LRRC4C: variants seen among roughly 807,000 people sequenced by gnomAD.
LRRC4C encodes the protein leucine rich repeat containing 4C.
LRRC4C carries 5 observed loss-of-function variants against 33.6 expected under a neutral mutation model. The observed-to-expected ratio is 0.15, with a 90% CI of 0.08 to 0.31. The LOEUF (loss-of-function observed/expected upper bound fraction) is 0.31, where lower values mean the gene tolerates loss of function less well. LRRC4C is among the 10% of genes least tolerant of loss of function. The probability of loss-of-function intolerance (pLI) is 1.00; values close to 1 mark genes in which losing one functional copy is unlikely to be tolerated. For missense variants in LRRC4C, 560 were observed against 796.7 expected (o/e 0.70, Z 3.58); for synonymous variants, 329 against 302.0 (o/e 1.09, Z -0.93).
chr11:40,451,772 A>G (rs1231088314), intron 3 of LRRC4C, among the ~76,000 whole-genome samples: 1 of 152,120 alleles, frequency 6.6e-6, no homozygotes. Context: ...TAGAAACACA[A>G]ACTACTAAAC....
At chr11:41,015,340 T>A (rs1855502660) in intron 1 of LRRC4C, among the ~76,000 whole-genome samples, 1 of 152,162 alleles carries the variant, frequency 6.6e-6, no homozygotes, top group African/African-American at 2.4e-5. Context: ...TAATGTTTAA[T>A]TTTTTTGAGA....
intron 4 of LRRC4C, among the ~76,000 whole-genome samples, chr11:40,308,952 A>G (rs1945170999): frequency 6.6e-6 from 1 of 152,206 alleles, no homozygotes; most frequent in Admixed American, 6.5e-5. Context: ...TTCTACCAAC[A>G]TTCTGTTCAT....
intron 4 of LRRC4C, among the ~76,000 whole-genome samples, chr11:40,272,277 G>A (rs1332746308): frequency 2.0e-5 from 3 of 152,076 alleles, no homozygotes; most frequent in African/African-American, 7.2e-5. Context: ...CGCTAACTGT[G>A]GAATACTATG....
intron 2 of LRRC4C, among the ~76,000 whole-genome samples, chr11:40,858,770 A>T (rs1953932973): frequency 6.7e-6 from 1 of 150,056 alleles, no homozygotes; most frequent in Non-Finnish European, 1.5e-5. Context: ...TATATTCTGT[A>T]TTCAGGGATG....
chr11:40,956,985 GAAAGCAATGTTTAGT>G (rs1481437824), intron 1 of LRRC4C, among the ~76,000 whole-genome samples: 2 of 151,746 alleles, frequency 1.3e-5, no homozygotes, highest in Non-Finnish European at 2.9e-5. Context: ...AAAGTTTAAT[GAAAGCAATGTTTAGT>G]AAAGATTTGA....
intron 3 of LRRC4C, among the ~76,000 whole-genome samples, chr11:40,469,397 A>T (rs1952814446): frequency 6.6e-6 from 1 of 152,068 alleles, no homozygotes; most frequent in South Asian, 2.1e-4. Context: ...AGACCAGGAG[A>T]TTCCCTCAGG....
Position 41,022,327 on chromosome 11 carries a change from TA to T in LRRC4C, c.-495-88605del, listed in dbSNP as rs564132312. Among the ~76,000 whole-genome samples the T allele has an allele frequency of 1.9e-3, 283 of 151,010 alleles. 1 individual carries two copies. The highest frequency in any genetic ancestry group is 5.0e-3 in the African/African-American group (207 of 41,182). ...TCTTTAAAAAAAGTGAACTTTAGAA[TA>T]AAAAAAAGAAGAAAAGAAAACTGAA... On this transcript the variant is annotated intron_variant, in intron 1 of 6. Transcript: ENST00000528697.
intron 1 of LRRC4C, among the ~76,000 whole-genome samples, chr11:41,082,949 G>A (rs1180377537): frequency 2.0e-5 from 3 of 152,020 alleles, no homozygotes; most frequent in Non-Finnish European, 4.4e-5. Context: ...GAGTGGTTTG[G>A]CTGATAAATT....
At position 40,707,097 on chromosome 11, in the gene LRRC4C, TAAG is replaced by T. The variant is rs1385923583; in HGVS notation, c.-406-58822_-406-58820del. On this transcript the variant is annotated intron_variant, in intron 2 of 6. Coordinates refer to ENST00000528697, the MANE Select transcript of LRRC4C (RefSeq NM_001258419.2). ...ACTTTGTTGAAGTTGCTTATCATCT[TAAG>T]GAGATTTTGGGCTGAGACGATGGGG... Among the ~76,000 whole-genome samples, 4 of 152,244 alleles carry T rather than the reference TAAG, an allele frequency of 2.6e-5. No individual in the cohort carries two copies. In the East Asian group the frequency reaches 7.7e-4, roughly 29 times the overall value.
intron 2 of LRRC4C, among the ~76,000 whole-genome samples, chr11:40,931,725 T>C (rs1194835683): frequency 6.6e-6 from 1 of 152,150 alleles, no homozygotes; most frequent in Non-Finnish European, 1.5e-5. Context: ...AGTGATTATA[T>C]ATAGTTATGA....
intron 3 of LRRC4C, among the ~76,000 whole-genome samples, chr11:40,400,676 AAATT>A (rs1949725067): frequency 6.6e-6 from 1 of 152,108 alleles, no homozygotes; most frequent in Non-Finnish European, 1.5e-5. Context: ...ATATCTTGTT[AAATT>A]ACTCCATGTT....
chr11:40,604,873 G>C (rs946908760), intron 3 of LRRC4C, among the ~76,000 whole-genome samples: 4 of 151,930 alleles, frequency 2.6e-5, no homozygotes, highest in African/African-American at 9.7e-5. Context: ...AGGAGGAATG[G>C]AGGTTAAACT....
rs535588987 is a variant in LRRC4C at position 40,975,735 on chromosome 11, G to C, written c.-495-42012C>G. ...TTATCATCATCTCCATTTTACTTAT[G>C]AGCCAACTGAGAAGAAGTTACACAG... On this transcript the variant is annotated intron_variant, in intron 1 of 6. Transcript: ENST00000528697. Among the ~76,000 whole-genome samples the C allele has an allele frequency of 2.6e-5, 4 of 152,282 alleles. No homozygotes were observed. In the South Asian group the frequency reaches 8.3e-4, roughly 32 times the overall value.
At chr11:40,692,161 C>A (rs1241327563) in intron 2 of LRRC4C, among the ~76,000 whole-genome samples, 1 of 151,888 alleles carries the variant, frequency 6.6e-6, no homozygotes, top group African/African-American at 2.4e-5. Flanking sequence ...AGAAAATGAA[C>A]CCGAGAGAGA....
At chr11:41,430,095 C>T (rs1330038070) in intron 1 of LRRC4C, among the ~76,000 whole-genome samples, 1 of 152,094 alleles carries the variant, frequency 6.6e-6, no homozygotes, top group Non-Finnish European at 1.5e-5. Flanking sequence ...AGTTCCAGTT[C>T]TACGGGTACT....
At chr11:41,226,580 T>G (rs1317864733) in intron 1 of LRRC4C, among the ~76,000 whole-genome samples, 1 of 152,070 alleles carries the variant, frequency 6.6e-6, no homozygotes, top group Non-Finnish European at 1.5e-5. Flanking sequence ...GTGCTTTTTC[T>G]TTTGCTTACA....
chr11:40,367,849 C>A (rs12576114), intron 3 of LRRC4C, among the ~76,000 whole-genome samples: 53,535 of 151,912 alleles, frequency 0.35, 10,094 homozygotes, highest in East Asian at 0.49. Flanking sequence ...ATTATCTGAT[C>A]CCTCATATGA....
At chr11:40,718,255 G>C (rs1946831492) in intron 2 of LRRC4C, among the ~76,000 whole-genome samples, 1 of 152,172 alleles carries the variant, frequency 6.6e-6, no homozygotes, top group African/African-American at 2.4e-5. Context: ...TTACAAATGA[G>C]GGGTGTCGGT....
At chr11:40,902,007 C>A (rs1565184681) in intron 2 of LRRC4C, among the ~76,000 whole-genome samples, 1 of 93,296 alleles carries the variant, frequency 1.1e-5, no homozygotes, top group Admixed American at 1.1e-4. Flanking sequence ...TCTACACACA[C>A]ACACACACAC....
Sources: gnomAD v4.1 joint callset for allele counts (sites outside exome capture counted in the v4.1 genomes callset) on GRCh38, gnomAD v4.1.1 for gene constraint, MANE v1.5 for transcripts, NCBI Gene and HGNC (gene_info 2026-07-23, HGNC 2026-07-21) for gene names.